LRRC71: variants seen among roughly 807,000 people sequenced by gnomAD.
The protein encoded by LRRC71 is leucine-rich repeat-containing protein 71.
In LRRC71, 54 loss-of-function variants were observed where a neutral mutation model predicts 66.6. That is an observed-to-expected ratio of 0.81 (90% CI 0.65 to 1.02). LRRC71 has a LOEUF of 1.02. Ranked by LOEUF, LRRC71 falls within the 50% of genes least tolerant of loss-of-function variation. The pLI is 0.00. For synonymous variants in LRRC71, 323 were observed against 303.9 expected (o/e 1.06, Z -0.65); for missense variants, 724 against 718.0 (o/e 1.01, Z -0.10).
intron 12 of LRRC71, among the ~76,000 whole-genome samples, chr1:156,930,992 T>C (rs1479637506): frequency 6.6e-6 from 1 of 152,222 alleles, no homozygotes; most frequent in East Asian, 1.9e-4. Flanking sequence ...ACAATGCGTC[T>C]TCTTTTTTGC....
chr1:156,922,179 T>G (rs923690756), intron 1 of LRRC71, among the ~76,000 whole-genome samples: 2 of 152,044 alleles, frequency 1.3e-5, no homozygotes, highest in African/African-American at 4.8e-5. Context: ...CTTTGGGAGC[T>G]GCTGATGTTC....
chr1:156,928,377 C>CTTCTTCT (rs1200366630), intron 9 of LRRC71, among the ~76,000 whole-genome samples: 4 of 129,610 alleles, frequency 3.1e-5, no homozygotes, highest in African/African-American at 1.4e-4. Context: ...TCTTCTTCTT[C>CTTCTTCT]TTCTTCTTCT....
intron 1 of LRRC71, among the ~76,000 whole-genome samples, chr1:156,921,218 G>T (rs893517012): frequency 6.6e-5 from 10 of 152,222 alleles, no homozygotes; most frequent in Non-Finnish European, 1.3e-4. Context: ...GGCATCAGGG[G>T]TGTTGCCAGG....
rs1281042065 is a variant in LRRC71 at position 156,928,476 on chromosome 1, CTCTTCCTCCTCCTCCTCT to C, written c.996+490_996+507del. On this transcript the variant is annotated intron_variant, in intron 9 of 14. Transcript: ENST00000337428. ...TCTTCTTCTCCTTCTTCTCTTCTTC[CTCTTCCTCCTCCTCCTCT>C]TCTTCCTCCTCCTCCTCCTCTTCCT... is the stretch of plus-strand genomic sequence containing the variant. Among the ~76,000 whole-genome samples the C allele has an allele frequency of 5.9e-4, 76 of 129,120 alleles. 1 individual carries two copies. The highest frequency in any genetic ancestry group is 2.4e-3 in the African/African-American group (69 of 29,220). 84.7% of individuals were successfully genotyped at this position (129,120 alleles called of 152,430 possible).
Position 156,924,211 on chromosome 1 carries a change from C to T in LRRC71, c.310+113C>T, listed in dbSNP as rs952300621. On this transcript the variant is annotated intron_variant, in intron 2 of 14. Transcript: ENST00000337428. ...CGCGGGGCGGTGTGTGTGTGTGAGT[C>T]GGCGGTATTCGACGAGGCCGGTGGG... 25 of 1,296,346 alleles carry T rather than the reference C, an allele frequency of 1.9e-5. No homozygotes were observed. The African/African-American group carries it at 3.0e-4, about 15-fold the overall frequency. The allele number at this position is 1,296,346 out of a possible 1,614,324, so 80.3% of individuals were successfully genotyped here. A position where few individuals can be genotyped will look rare whatever the true frequency, so the allele number is the denominator to read the frequency against.
At position 156,932,000 on chromosome 1, in the gene LRRC71, A is replaced by G. The variant is rs558199923; in HGVS notation, c.1414A>G (p.Lys472Glu). 2.1e-5 allele frequency: 33 copies of G among 1,598,744 alleles called. No homozygotes were observed. The East Asian group carries it at 6.1e-4, about 29-fold the overall frequency. ...RDGKVFMPGN[K>E]VLLHLNLIRN... Reference sequence around the variant, plus strand: ...TGGGAAAGTTTTCATGCCTGGGAACAAGGTCCTTTTGCACCTCAACCTCAT... The same window carrying G: ...TGGGAAAGTTTTCATGCCTGGGAACGAGGTCCTTTTGCACCTCAACCTCAT... The change falls in exon 13 of 15, where the codon AAG becomes GAG. Residue 472 changes from lysine to glutamate, a missense_variant. Physicochemically the swap from Lys to Glu is moderately conservative, Grantham distance 56. Transcript: ENST00000337428.
chr1:156,938,413 A>G, the LRRC71 span: 2 of 1,612,574 alleles, frequency 1.2e-6, no homozygotes, highest in Non-Finnish European at 1.7e-6. Flanking sequence ...GGAGAAAGTT[A>G]TTACCCGTAG....
the LRRC71 span, chr1:156,938,544 G>A: frequency 6.2e-7 from 1 of 1,603,578 alleles, no homozygotes; most frequent in South Asian, 1.1e-5. Flanking sequence ...CCAGGAAGAG[G>A]AGAGACCAAA....
At chr1:156,931,576 T>C (rs940832446) in intron 12 of LRRC71, among the ~76,000 whole-genome samples, 2 of 152,224 alleles carry the variant, frequency 1.3e-5, no homozygotes, top group Non-Finnish European at 2.9e-5. Flanking sequence ...CCTTTGCACC[T>C]GCTTTCTTTG....
At chr1:156,928,363 C>CTTCTTCTTCTTCTTCTTCT (rs1653584959) in intron 9 of LRRC71, among the ~76,000 whole-genome samples, 62 of 98,818 alleles carry the variant, frequency 6.3e-4, no homozygotes, top group African/African-American at 2.8e-3. Context: ...CTTCTTCTTC[C>CTTCTTCTTCTTCTTCTTCT]TCTTCTTCTT....
intron 13 of LRRC71, 187 bp downstream of exon 13, chr1:156,932,214 G>C: frequency 1.5e-6 from 1 of 665,286 alleles, no homozygotes; most frequent in South Asian, 1.9e-5. Context: ...AGGAGGCTGA[G>C]GACAGGCGAT....
downstream of LRRC71, chr1:156,936,291 A>G (rs531674241): frequency 7.1e-6 from 5 of 706,652 alleles, no homozygotes; most frequent in East Asian, 1.4e-4. Context: ...GAGTTATGAC[A>G]TAGCTGTGTC....
Position 156,931,957 on chromosome 1 carries a change from G to A in LRRC71, c.1371G>A (p.Glu457=). ...CTGAGGTGGTCAACCCTCTCCTGGAGCCTGTGGAGCACCGAGATGGGAAAG... is the reference window on the plus strand; with the variant it reads ...CTGAGGTGGTCAACCCTCTCCTGGAACCTGTGGAGCACCGAGATGGGAAAG... ...EATEVVNPLL[E]PVEHRDGKVF... Residue 457 remains glutamate (E), a synonymous_variant, in exon 13 of 15, where the codon GAG becomes GAA. Coordinates refer to ENST00000337428, the MANE Select transcript of LRRC71 (RefSeq NM_144702.3). 2 of 1,599,782 alleles carry A rather than the reference G, an allele frequency of 1.3e-6. No individual in the cohort carries two copies.
intron 5 of LRRC71, among the ~76,000 whole-genome samples, chr1:156,926,573 C>T (rs945531092): frequency 7.5e-6 from 1 of 132,760 alleles, no homozygotes; most frequent in Non-Finnish European, 1.6e-5. Context: ...CCCCACCCCC[C>T]ACCTCTTCTT....
In LRRC71 at chr1:156,924,919, C is replaced by T; in HGVS notation, c.516-19C>T. Reference sequence around the variant, plus strand: ...GGGGCGCTCTAGCTCTGTGTTTCTGCACTTCCCGCCCACGACAGCTTGTGG... The same window carrying T: ...GGGGCGCTCTAGCTCTGTGTTTCTGTACTTCCCGCCCACGACAGCTTGTGG... On this transcript the variant is annotated intron_variant, in intron 4 of 14. Coordinates refer to ENST00000337428, the MANE Select transcript of LRRC71 (RefSeq NM_144702.3). 6.4e-7 allele frequency: 1 copy of T among 1,551,536 alleles called. No individual in the cohort carries two copies. Among genetic ancestry groups the T allele is most frequent in the South Asian group, 1.2e-5 (1 of 84,058 alleles).
downstream of LRRC71, among the ~76,000 whole-genome samples, chr1:156,934,385 A>G (rs955331040): frequency 1.3e-5 from 2 of 152,120 alleles, no homozygotes; most frequent in African/African-American, 4.8e-5. Flanking sequence ...GAGGATGTGG[A>G]TGGATGATGA....
At chr1:156,930,911 A>G (rs1451272218) in intron 12 of LRRC71, among the ~76,000 whole-genome samples, 1 of 152,322 alleles carries the variant, frequency 6.6e-6, no homozygotes, top group South Asian at 2.1e-4. Flanking sequence ...ACTTCCCCAG[A>G]GGCCCAGAGG....
chr1:156,930,030 CTTTT>C (rs766696431), intron 11 of LRRC71, among the ~76,000 whole-genome samples: 1 of 125,226 alleles, frequency 8.0e-6, no homozygotes, highest in South Asian at 2.7e-4. Flanking sequence ...CTTTTCTTTT[CTTTT>C]TCTTTCTTTC....
chr1:156,935,810 T>C (rs1654938793), downstream of LRRC71: 1 of 631,524 alleles, frequency 1.6e-6, no homozygotes, highest in Non-Finnish European at 2.7e-6. Flanking sequence ...GAAAAGACAC[T>C]GAAACCTGAC....
Sources: allele counts gnomAD v4.1 joint callset (sites outside exome capture counted in the v4.1 genomes callset), GRCh38; gene constraint gnomAD v4.1.1; transcripts MANE v1.5; gene names NCBI Gene and HGNC (gene_info 2026-07-23, HGNC 2026-07-21).